GUCY1A1: variants seen among roughly 807,000 people sequenced by gnomAD.
GUCY1A1 encodes the protein guanylate cyclase soluble subunit alpha-1.
In GUCY1A1, 48 loss-of-function variants were observed where a neutral mutation model predicts 64.5. The ratio of observed to expected loss-of-function variants is 0.74; its 90% CI spans 0.59 to 0.95. The LOEUF (loss-of-function observed/expected upper bound fraction) is 0.95. Ranked by LOEUF, GUCY1A1 falls within the 40% of genes least tolerant of loss-of-function variation. The pLI is 0.00. For missense variants in GUCY1A1, 804 were observed against 825.3 expected (o/e 0.97, Z 0.32); for synonymous variants, 308 against 303.4 (o/e 1.02, Z -0.16).
intron 2 of GUCY1A1, among the ~76,000 whole-genome samples, chr4:155,692,157 G>C (rs182344319): frequency 6.6e-5 from 10 of 152,210 alleles, no homozygotes; most frequent in Admixed American, 2.0e-4. Flanking sequence ...ATTATTCCAT[G>C]GTGTATATGT....
chr4:155,674,279 A>G (rs146685795), intron 2 of GUCY1A1, among the ~76,000 whole-genome samples: 14,496 of 150,940 alleles, frequency 0.096, 1,115 homozygotes, highest in South Asian at 0.22. Context: ...GCTTGAACCC[A>G]GGAGGTGGAG....
rs1006188945 is a variant in GUCY1A1 at position 155,733,349 on chromosome 4, C to G, written c.*3118C>G. On this transcript the variant is annotated 3_prime_UTR_variant, in exon 10 of 10. Transcript: ENST00000506455. ...CATGGTCCAGGAAAATAAATCAGCA[C>G]ACAAAGAGATGGGGTCTTGAGGGTG... 1.3e-5 allele frequency among the ~76,000 whole-genome samples: 2 copies of G among 151,538 alleles called. No individual in the cohort carries two copies. Among genetic ancestry groups the G allele is most frequent in the African/African-American group, 4.8e-5 (2 of 41,300 alleles).
intron 3 of GUCY1A1, among the ~76,000 whole-genome samples, chr4:155,701,661 G>A (rs1731097283): frequency 6.6e-6 from 1 of 151,962 alleles, no homozygotes; most frequent in Non-Finnish European, 1.5e-5. Flanking sequence ...TGGTCAGGGC[G>A]AGCATGGTGG....
Position 155,696,977 on chromosome 4 carries a change from C to G in GUCY1A1, c.110C>G (p.Ser37Ter). 1 of 1,613,718 alleles carries G rather than the reference C, an allele frequency of 6.2e-7. No individual in the cohort carries two copies. Among genetic ancestry groups the G allele is most frequent in the Non-Finnish European group, 8.5e-7 (1 of 1,179,670 alleles). ...TCTTCAGAGGAGGCAGCAGGAAGCT[C>G]AGAGAGCTGCAAAGCAACCGTGCCC... ...NESSEEAAGSSESCKATVPIC... is the reference protein window; with the variant it reads ...NESSEEAAGS The change falls in exon 3 of 10, where the codon TCA (serine) becomes TGA (stop). Residue 37 changes from serine to a stop codon, truncating the protein, a stop_gained. Coordinates refer to ENST00000506455, the MANE Select transcript of GUCY1A1 (RefSeq NM_001130682.3). LOFTEE classifies it high-confidence loss of function.
intron 2 of GUCY1A1, among the ~76,000 whole-genome samples, chr4:155,669,590 T>G (rs1733842286): frequency 6.6e-6 from 1 of 152,122 alleles, no homozygotes; most frequent in Non-Finnish European, 1.5e-5. Context: ...GGGATCTTTC[T>G]TAAGACATTT....
At chr4:155,693,368 C>T (rs550900996) in intron 2 of GUCY1A1, among the ~76,000 whole-genome samples, 19 of 152,222 alleles carry the variant, frequency 1.2e-4, no homozygotes, top group African/African-American at 3.1e-4. Context: ...ATTTGTTTTT[C>T]CCTTACCATG....
intron 3 of GUCY1A1, 81 bp downstream of exon 3, chr4:155,697,203 C>A (rs2126743770): frequency 1.0e-6 from 1 of 987,398 alleles, no homozygotes; most frequent in East Asian, 2.4e-5. Flanking sequence ...AATTTAAACA[C>A]TTCCTTTCTC....
rs1478205003 is a variant in GUCY1A1 at position 155,697,128 on chromosome 4, T to A, written c.255+6T>A. ...GCAAACTGATTTTCCCAGAGGTGAG[T>A]GCGTGCTCTTTAGATTTTGAAATTG... is the stretch of plus-strand genomic sequence containing the variant. On this transcript the variant is annotated splice_donor_region_variant and intron_variant, in intron 3 of 9. Transcript: ENST00000506455. 1 of 1,604,942 alleles carries A rather than the reference T, an allele frequency of 6.2e-7. No individual in the cohort carries two copies. The highest frequency in any genetic ancestry group is 8.5e-7 in the Non-Finnish European group (1 of 1,173,404).
At chr4:155,714,601 T>C (rs1028816204) in intron 7 of GUCY1A1, among the ~76,000 whole-genome samples, 5 of 152,218 alleles carry the variant, frequency 3.3e-5, no homozygotes, top group Non-Finnish European at 7.3e-5. Context: ...GCTTGAATCA[T>C]CTTCTGAACT....
intron 2 of GUCY1A1, among the ~76,000 whole-genome samples, chr4:155,676,074 C>T (rs1168102650): frequency 1.3e-5 from 2 of 151,338 alleles, no homozygotes; most frequent in Non-Finnish European, 2.9e-5. Flanking sequence ...AAGAGGTTGC[C>T]CAATAGCAGT....
chr4:155,671,235 C>T (rs138671754), intron 2 of GUCY1A1, among the ~76,000 whole-genome samples: 140 of 152,288 alleles, frequency 9.2e-4, no homozygotes, highest in African/African-American at 3.0e-3. Flanking sequence ...TTCAGAATTG[C>T]TTGTAAACTG....
At chr4:155,686,202 G>A (rs768767777) in intron 2 of GUCY1A1, among the ~76,000 whole-genome samples, 8 of 152,158 alleles carry the variant, frequency 5.3e-5, no homozygotes, top group Non-Finnish European at 1.2e-4. Context: ...TTGGCCAGGC[G>A]TGATGGCTCA....
rs751499687 is a variant in GUCY1A1, at chr4:155,711,128, A to G, written c.963A>G (p.Glu321=). 7 of 1,613,760 alleles carry G rather than the reference A, an allele frequency of 4.3e-6. No homozygotes were observed. In the South Asian group the frequency reaches 5.5e-5, roughly 13 times the overall value. The change falls in exon 6 of 10, where the codon GAA becomes GAG. Residue 321 remains glutamate (E), a synonymous_variant. Transcript: ENST00000506455. ...RRDFQGKPNF[E]EYFEILTPKI... ...ACTTTCAAGGAAAGCCTAATTTTGA[A>G]GAATACTTTGAAATTCTGACTCCAA...
chr4:155,705,736 C>A (rs1222160981), intron 4 of GUCY1A1, among the ~76,000 whole-genome samples: 1 of 152,176 alleles, frequency 6.6e-6, no homozygotes, highest in Non-Finnish European at 1.5e-5. Flanking sequence ...GAGTGATCAT[C>A]TGCTCTGTGG....
chr4:155,682,726 GTGTA>G lies in GUCY1A1; in HGVS notation c.-112-14028_-112-14025del, dbSNP rs781398130. On this transcript the variant is annotated intron_variant, in intron 2 of 9. Transcript: ENST00000506455. ...TGTGTGTGTGTGTGTGTGTGTGTGT[GTGTA>G]TATACCCCACTCATATCAGGCTTTG... Among the ~76,000 whole-genome samples the G allele has an allele frequency of 8.9e-4, 127 of 143,238 alleles. 1 individual carries two copies. Among genetic ancestry groups the G allele is most frequent in the South Asian group, 1.4e-3 (6 of 4,294 alleles). 94.0% of individuals were successfully genotyped at this position (143,238 alleles called of 152,430 possible). A position where few individuals can be genotyped will look rare whatever the true frequency, so the allele number is the denominator to read the frequency against.
chr4:155,723,811 C>A (rs1465769882), intron 9 of GUCY1A1, among the ~76,000 whole-genome samples: 1 of 151,898 alleles, frequency 6.6e-6, no homozygotes, highest in South Asian at 2.1e-4. Flanking sequence ...TACAGGCGCC[C>A]GCCTCCACGT....
intron 2 of GUCY1A1, among the ~76,000 whole-genome samples, chr4:155,691,000 A>C (rs1398618600): frequency 6.6e-6 from 1 of 152,230 alleles, no homozygotes; most frequent in Non-Finnish European, 1.5e-5. Context: ...ATCTATTGGA[A>C]TCAAAATTAT....
At chr4:155,695,097 G>C (rs1730247155) in intron 2 of GUCY1A1, among the ~76,000 whole-genome samples, 1 of 152,148 alleles carries the variant, frequency 6.6e-6, no homozygotes. Flanking sequence ...TATGAGCATA[G>C]ATTTTGTTTA....
intron 2 of GUCY1A1, among the ~76,000 whole-genome samples, chr4:155,688,220 T>G (rs1280406727): frequency 6.7e-6 from 1 of 149,646 alleles, no homozygotes; most frequent in Non-Finnish European, 1.5e-5. Flanking sequence ...AGAGCGAGAC[T>G]CCTCAAACAA....
Sources: gnomAD v4.1 joint callset for allele counts (sites outside exome capture counted in the v4.1 genomes callset) on GRCh38, gnomAD v4.1.1 for gene constraint, MANE v1.5 for transcripts, NCBI Gene and HGNC (gene_info 2026-07-23, HGNC 2026-07-21) for gene names.